Variants in RYR2 observed in about 807,000 individuals in gnomAD.
RYR2 encodes the protein cardiac muscle ryanodine receptor-calcium release channel.
In RYR2, 227 loss-of-function variants were observed where a neutral mutation model predicts 601.1. That is an observed-to-expected ratio of 0.38 (90% CI 0.34 to 0.42). RYR2 has a LOEUF of 0.42. RYR2 is among the 10% of genes least tolerant of loss of function. The probability of loss-of-function intolerance (pLI) is 1.00; values close to 1 mark genes in which losing one functional copy is unlikely to be tolerated. For synonymous variants in RYR2, 2,223 were observed against 2,175.1 expected (o/e 1.02, Z -0.61); for missense variants, 4,646 against 6,156.5 (o/e 0.75, Z 8.21).
At chr1:237,421,026 G>A (rs1215109098) in intron 11 of RYR2, among the ~76,000 whole-genome samples, 1 of 152,208 alleles carries the variant, frequency 6.6e-6, no homozygotes, top group Non-Finnish European at 1.5e-5. Flanking sequence ...AGATCACAAG[G>A]TCAGGAGATC....
chr1:237,692,209 C>T (rs1249266656), intron 63 of RYR2, among the ~76,000 whole-genome samples: 3 of 152,156 alleles, frequency 2.0e-5, no homozygotes, highest in Admixed American at 1.3e-4. Flanking sequence ...ATTCAATAAA[C>T]ATGTATTGTA....
rs2149367007 is a variant in RYR2 at position 237,787,996 on chromosome 1, A to G, written c.13337A>G (p.Asp4446Gly). 6.3e-7 allele frequency: 1 copy of G among 1,591,982 alleles called. No homozygotes were observed. Among genetic ancestry groups the G allele is most frequent in the South Asian group, 1.1e-5 (1 of 87,916 alleles). The change falls in exon 92 of 105, where the codon GAT (aspartate) becomes GGT (glycine). Residue 4446 changes from aspartate (D) to glycine (G), a missense_variant. Coordinates refer to ENST00000366574, the MANE Select transcript of RYR2 (RefSeq NM_001035.3). Reference protein sequence around the residue: ...KSEPEKAEGEDGEKEEKAKED... With the variant: ...KSEPEKAEGEGGEKEEKAKED... ...TTTGTTTGTTTTCATAGGGGAGAAGATGGAGAAAAAGAAGAGAAAGCCAAG... is the reference window on the plus strand; with the variant it reads ...TTTGTTTGTTTTCATAGGGGAGAAGGTGGAGAAAAAGAAGAGAAAGCCAAG...
chr1:237,434,972 C>T (rs750542320), intron 12 of RYR2, among the ~76,000 whole-genome samples: 23 of 152,048 alleles, frequency 1.5e-4, no homozygotes, highest in Non-Finnish European at 3.1e-4. Flanking sequence ...GACGGGGTTT[C>T]GCCATGTTGC....
At position 237,550,502 on chromosome 1, in the gene RYR2, C is replaced by T. The variant is rs762945085; in HGVS notation, c.3067-42C>T. 1.1e-5 allele frequency: 18 copies of T among 1,590,750 alleles called. No individual in the cohort carries two copies. The East Asian group carries it at 2.9e-4, about 26-fold the overall frequency. On this transcript the variant is annotated intron_variant, in intron 26 of 104. Coordinates refer to ENST00000366574, the MANE Select transcript of RYR2 (RefSeq NM_001035.3). ...TGGTAGCTACTTATTTCTAAAAGCCCTTGGTATTGCTTTGACGGCTGCACC... is the reference window on the plus strand; with the variant it reads ...TGGTAGCTACTTATTTCTAAAAGCCTTTGGTATTGCTTTGACGGCTGCACC...
At chr1:237,825,836 C>T (rs1435983470) in intron 101 of RYR2, among the ~76,000 whole-genome samples, 3 of 152,140 alleles carry the variant, frequency 2.0e-5, no homozygotes, top group African/African-American at 7.2e-5. Flanking sequence ...AAACAAACAA[C>T]CCCATCAAAA....
intron 1 of RYR2, among the ~76,000 whole-genome samples, chr1:237,109,090 A>T: frequency 6.6e-6 from 1 of 152,176 alleles, no homozygotes; most frequent in Non-Finnish European, 1.5e-5. Flanking sequence ...AGCCGAACAT[A>T]ACCGGAATAA....
chr1:237,676,637 T>C (rs1371272133), intron 60 of RYR2, among the ~76,000 whole-genome samples: 2 of 152,202 alleles, frequency 1.3e-5, no homozygotes, highest in Non-Finnish European at 2.9e-5. Context: ...TTCATTGTTA[T>C]CGCAAGTGAA....
chr1:237,095,207 A>G (rs1667391692), intron 1 of RYR2, among the ~76,000 whole-genome samples: 1 of 152,222 alleles, frequency 6.6e-6, no homozygotes, highest in South Asian at 2.1e-4. Context: ...ATCTAAGACA[A>G]ACTTTCTTTA....
chr1:237,390,737 C>T (rs1249043882), intron 10 of RYR2, among the ~76,000 whole-genome samples: 1 of 152,034 alleles, frequency 6.6e-6, no homozygotes, highest in Non-Finnish European at 1.5e-5. Flanking sequence ...ATGTTCTGGA[C>T]CCACTCTCCC....
chr1:237,287,310 A>T (rs923070297), intron 2 of RYR2, among the ~76,000 whole-genome samples: 8 of 152,160 alleles, frequency 5.3e-5, no homozygotes, highest in African/African-American at 1.9e-4. Flanking sequence ...TTTTGAGATG[A>T]ATTTCCCAGG....
intron 1 of RYR2, among the ~76,000 whole-genome samples, chr1:237,223,408 A>G (rs1489479735): frequency 6.6e-6 from 1 of 152,246 alleles, no homozygotes; most frequent in South Asian, 2.1e-4. Flanking sequence ...ATACCATCAC[A>G]TTGTAAAATA....
At chr1:237,690,029 G>A (rs1045679234) in intron 63 of RYR2, among the ~76,000 whole-genome samples, 1 of 152,046 alleles carries the variant, frequency 6.6e-6, no homozygotes, top group South Asian at 2.1e-4. Context: ...TAGAAACGGG[G>A]TTTCACCATG....
At chr1:237,420,233 T>G (rs1558787908) in intron 11 of RYR2, among the ~76,000 whole-genome samples, 1 of 152,188 alleles carries the variant, frequency 6.6e-6, no homozygotes, top group Non-Finnish European at 1.5e-5. Context: ...ATAGGGATAT[T>G]GTAAGTGAGA....
chr1:237,206,492 G>A (rs1000447837), intron 1 of RYR2, among the ~76,000 whole-genome samples: 1 of 152,118 alleles, frequency 6.6e-6, no homozygotes, highest in Non-Finnish European at 1.5e-5. Flanking sequence ...TTTCACACTT[G>A]TTTCTCCATA....
chr1:237,233,680 A>G (rs1047371190), intron 1 of RYR2, among the ~76,000 whole-genome samples: 2 of 152,032 alleles, frequency 1.3e-5, no homozygotes, highest in African/African-American at 4.8e-5. Context: ...TTTGAAATGG[A>G]GTCTTGCTCT....
Position 237,128,424 on chromosome 1 carries a change from G to T in RYR2, c.48+85855G>T, listed in dbSNP as rs150945824. Among the ~76,000 whole-genome samples the T allele has an allele frequency of 1.9e-3, 294 of 152,278 alleles. 1 individual carries two copies. Among genetic ancestry groups the T allele is most frequent in the African/African-American group, 6.7e-3 (279 of 41,556 alleles). On this transcript the variant is annotated intron_variant, in intron 1 of 104. Coordinates refer to ENST00000366574, the MANE Select transcript of RYR2 (RefSeq NM_001035.3). ...GAGGGAGAGGGAGAGGGACTGGAAA[G>T]AATTTTTAAATCCCTTCAGAAAGTT...
At chr1:237,596,416 A>G (rs1046922440) in intron 34 of RYR2, among the ~76,000 whole-genome samples, 4 of 152,178 alleles carry the variant, frequency 2.6e-5, no homozygotes, top group African/African-American at 9.6e-5. Flanking sequence ...AAAATATACA[A>G]CTGAGGGTTT....
At chr1:237,289,226 T>C (rs535608723) in intron 2 of RYR2, among the ~76,000 whole-genome samples, 1 of 152,234 alleles carries the variant, frequency 6.6e-6, no homozygotes, top group African/African-American at 2.4e-5. Context: ...GATTGCTGGT[T>C]TGTTCTTGCA....
intron 79 of RYR2, among the ~76,000 whole-genome samples, chr1:237,738,430 C>T (rs984501436): frequency 1.1e-4 from 16 of 152,138 alleles, no homozygotes; most frequent in African/African-American, 3.6e-4. Flanking sequence ...CTATGGGCTT[C>T]TCATTAACCT....
Sources: gnomAD v4.1 joint callset for allele counts (sites outside exome capture counted in the v4.1 genomes callset) on GRCh38, gnomAD v4.1.1 for gene constraint, MANE v1.5 for transcripts, NCBI Gene and HGNC (gene_info 2026-07-23, HGNC 2026-07-21) for gene names.